Variants in CDH12 observed in about 807,000 individuals in gnomAD.
CDH12 encodes cadherin-12.
In CDH12, 41 loss-of-function variants were observed where a neutral mutation model predicts 74.1. The ratio of observed to expected loss-of-function variants is 0.55; its 90% confidence interval spans 0.43 to 0.72. The LOEUF is 0.72. Among genes scored for constraint, CDH12 ranks in the 30% least tolerant of loss-of-function variants. The pLI is 0.00. For missense variants in CDH12, 945 were observed against 977.2 expected (o/e 0.97, Z 0.44); for synonymous variants, 399 against 355.0 (o/e 1.12, Z -1.39).
chr5:22,592,517 GT>G (rs1340866190), intron 1 of CDH12, among the ~76,000 whole-genome samples: 1 of 151,734 alleles, frequency 6.6e-6, no homozygotes, highest in East Asian at 1.9e-4. Context: ...CTCTTCCTTC[GT>G]TTTCTCTTTC....
At chr5:21,779,021 A>G (rs973002404) in intron 11 of CDH12, among the ~76,000 whole-genome samples, 1 of 151,934 alleles carries the variant, frequency 6.6e-6, no homozygotes, top group Non-Finnish European at 1.5e-5. Flanking sequence ...TCAATATAGC[A>G]TTTAGTAAGG....
At chr5:21,810,572 G>A (rs1403455518) in intron 9 of CDH12, among the ~76,000 whole-genome samples, 3 of 152,148 alleles carry the variant, frequency 2.0e-5, no homozygotes, top group African/African-American at 7.2e-5. Flanking sequence ...AATTTGAAAA[G>A]TCTATGGCAT....
At chr5:21,957,467 T>A (rs111840602) in intron 6 of CDH12, among the ~76,000 whole-genome samples, 1 of 152,166 alleles carries the variant, frequency 6.6e-6, no homozygotes, top group Non-Finnish European at 1.5e-5. Context: ...TAGTTCTGCT[T>A]TTATCTCTTT....
intron 4 of CDH12, among the ~76,000 whole-genome samples, chr5:22,114,928 G>C (rs948632190): frequency 6.6e-6 from 1 of 152,184 alleles, no homozygotes. Flanking sequence ...TGAAAACAAA[G>C]AGGTGAAGAT....
chr5:22,090,877 A>G (rs971090732), intron 4 of CDH12, among the ~76,000 whole-genome samples: 3 of 152,058 alleles, frequency 2.0e-5, no homozygotes, highest in African/African-American at 4.8e-5. Flanking sequence ...ATAATTTTCA[A>G]TATGTTTTAT....
At chr5:22,686,276 A>G (rs1741793309) in intron 1 of CDH12, among the ~76,000 whole-genome samples, 1 of 152,084 alleles carries the variant, frequency 6.6e-6, no homozygotes, top group African/African-American at 2.4e-5. Flanking sequence ...TATTCTAGAT[A>G]CATGTCCTTT....
At chr5:22,789,755 A>G (rs1747817411) in intron 1 of CDH12, among the ~76,000 whole-genome samples, 1 of 151,916 alleles carries the variant, frequency 6.6e-6, no homozygotes, top group East Asian at 1.9e-4. Context: ...TAAATATAAC[A>G]AGGAAGTTTG....
chr5:22,627,421 T>C (rs1034651729), intron 1 of CDH12, among the ~76,000 whole-genome samples: 2 of 150,462 alleles, frequency 1.3e-5, no homozygotes, highest in African/African-American at 4.9e-5. Flanking sequence ...CCAGGAGGGA[T>C]TGTGTGCCTA....
At chr5:22,272,472 A>C (rs1467439379) in intron 3 of CDH12, among the ~76,000 whole-genome samples, 1 of 152,178 alleles carries the variant, frequency 6.6e-6, no homozygotes, top group African/African-American at 2.4e-5. Context: ...AATATGCTTT[A>C]AGGAAATTTT....
intron 3 of CDH12, among the ~76,000 whole-genome samples, chr5:22,388,119 C>T (rs954487836): frequency 6.6e-6 from 1 of 152,014 alleles, no homozygotes; most frequent in East Asian, 1.9e-4. Flanking sequence ...ACAAAAACAT[C>T]GTGAAACTAG....
chr5:22,071,886 A>C (rs545367021), intron 5 of CDH12, among the ~76,000 whole-genome samples: 1 of 152,190 alleles, frequency 6.6e-6, no homozygotes, highest in Admixed American at 6.6e-5. Context: ...CCTTTCTTTG[A>C]TTCTCTGTAT....
At chr5:22,695,253 C>A (rs1249066755) in intron 1 of CDH12, among the ~76,000 whole-genome samples, 2 of 152,074 alleles carry the variant, frequency 1.3e-5, no homozygotes, top group Non-Finnish European at 2.9e-5. Context: ...CATTAATGGT[C>A]ATTTGGGTTG....
chr5:22,482,151 G>C (rs575364994), intron 2 of CDH12, among the ~76,000 whole-genome samples: 20 of 152,200 alleles, frequency 1.3e-4, no homozygotes, highest in African/African-American at 4.6e-4. Context: ...GTTAAAATGA[G>C]AGAATACCAA....
intron 5 of CDH12, among the ~76,000 whole-genome samples, chr5:22,031,409 CT>C (rs1738816828): frequency 6.6e-6 from 1 of 152,156 alleles, no homozygotes; most frequent in Non-Finnish European, 1.5e-5. Flanking sequence ...ACCACTAAAA[CT>C]TTTGCCATAT....
intron 1 of CDH12, among the ~76,000 whole-genome samples, chr5:22,572,200 C>A (rs1054701049): frequency 6.6e-6 from 1 of 152,060 alleles, no homozygotes. Flanking sequence ...AAGATTTCAA[C>A]TAACTGGACA....
chr5:22,627,410 T>A (rs967720590), intron 1 of CDH12, among the ~76,000 whole-genome samples: 3 of 147,522 alleles, frequency 2.0e-5, no homozygotes, highest in Non-Finnish European at 4.5e-5. Context: ...AATCTTACAA[T>A]CCAGGAGGGA....
chr5:21,893,315 A>G (rs1752976445), intron 6 of CDH12, among the ~76,000 whole-genome samples: 1 of 152,172 alleles, frequency 6.6e-6, no homozygotes, highest in African/African-American at 2.4e-5. Context: ...CTCAGCAAAA[A>G]CAGGGCCACA....
intron 6 of CDH12, among the ~76,000 whole-genome samples, chr5:21,908,554 T>C (rs770096975): frequency 2.0e-5 from 3 of 152,234 alleles, no homozygotes; most frequent in Middle Eastern, 3.4e-3. Context: ...TTTACAGACA[T>C]AAAAAGAAAA....
chr5:22,312,293 C>A (rs1423421007), intron 3 of CDH12, among the ~76,000 whole-genome samples: 1 of 151,910 alleles, frequency 6.6e-6, no homozygotes, highest in African/African-American at 2.4e-5. Context: ...AAGAAAGCAT[C>A]CATGGAATCT....
Sources: allele counts gnomAD v4.1 joint callset (sites outside exome capture counted in the v4.1 genomes callset), GRCh38; gene constraint gnomAD v4.1.1; transcripts MANE v1.5; gene names NCBI Gene and HGNC (gene_info 2026-07-23, HGNC 2026-07-21).